Variants in IQGAP1 observed in about 807,000 individuals in gnomAD.
The protein encoded by IQGAP1 is IQ motif containing GTPase activating protein 1.
In IQGAP1, 66 loss-of-function variants were observed where a neutral mutation model predicts 215.6. The ratio of observed to expected loss-of-function variants is 0.31; its 90% CI spans 0.25 to 0.38. The LOEUF (loss-of-function observed/expected upper bound fraction) is 0.38. Among genes scored for constraint, IQGAP1 ranks in the 10% least tolerant of loss-of-function variants. The pLI is 1.00. For missense variants in IQGAP1, 1,712 were observed against 1,997.1 expected, an observed-to-expected ratio of 0.86 and a Z score of 2.72; for synonymous variants, 772 against 728.7, an observed-to-expected ratio of 1.06 and a Z score of -0.96.
At chr15:90,474,786 T>C in intron 23 of IQGAP1, 93 bp downstream of exon 23, 1 of 959,694 alleles carries the variant, frequency 1.0e-6, no homozygotes, top group Non-Finnish European at 1.7e-6. Flanking sequence ...GGGTGGAGGC[T>C]GACTTTCTCC....
intron 2 of IQGAP1, among the ~76,000 whole-genome samples, chr15:90,415,539 T>A (rs1965032806): frequency 1.3e-5 from 2 of 152,216 alleles, no homozygotes; most frequent in African/African-American, 4.8e-5. Flanking sequence ...AAAAATTCTC[T>A]AATCCATTTG....
chr15:90,406,172 A>G (rs1392191574), intron 2 of IQGAP1, among the ~76,000 whole-genome samples: 3 of 152,220 alleles, frequency 2.0e-5, no homozygotes, highest in Non-Finnish European at 4.4e-5. Flanking sequence ...GAAAAATTCC[A>G]GAGCACATTG....
chr15:90,417,950 T>C (rs1173559922), intron 2 of IQGAP1, among the ~76,000 whole-genome samples: 5 of 152,226 alleles, frequency 3.3e-5, no homozygotes, highest in Non-Finnish European at 5.9e-5. Flanking sequence ...GTTGGATTCC[T>C]AAGTATTTTT....
rs1966203011 is a variant in IQGAP1 at position 90,491,425 on chromosome 15, C to A, written c.4341C>A (p.Asp1447Glu). 1 of 1,613,912 alleles carries A rather than the reference C, an allele frequency of 6.2e-7. No individual in the cohort carries two copies. Among genetic ancestry groups the A allele is most frequent in the African/African-American group, 1.3e-5 (1 of 74,882 alleles). ...AAAAGTCAAAATCTGTAAAGGAAGA[C>A]AGCAACCTCACTCTTCAAGAGAAGA... Reference protein sequence around the residue: ...KMKKSKSVKEDSNLTLQEKKE... With the variant: ...KMKKSKSVKEESNLTLQEKKE... Residue 1447 changes from aspartate (D) to glutamate (E), a missense_variant, in exon 34 of 38, where the codon GAC becomes GAA. Physicochemically the swap from Asp to Glu is conservative, Grantham distance 45 (BLOSUM62 2). Around this residue, in one of 2 missense-constraint regions of IQGAP1, gnomAD observed 691 missense variants for 923.0 expected, o/e 0.75. Transcript: ENST00000268182.
chr15:90,474,653 T>C lies in IQGAP1; in HGVS notation c.2744T>C (p.Ile915Thr). The C allele has an allele frequency of 6.2e-7, 1 of 1,614,080 alleles. No individual in the cohort carries two copies. The highest frequency in any genetic ancestry group is 8.5e-7 in the Non-Finnish European group (1 of 1,179,962). Reference protein sequence around the residue: ...QLENDLNLMDIKIGLLVKNKI... With the variant: ...QLENDLNLMDTKIGLLVKNKI... Reference sequence around the variant, plus strand: ...GAGAATGACCTCAATCTCATGGATATCAAAATTGGACTGCTAGTGAAAAAT... The same window carrying C: ...GAGAATGACCTCAATCTCATGGATACCAAAATTGGACTGCTAGTGAAAAAT... The change falls in exon 23 of 38, where the codon ATC becomes ACC. Residue 915 changes from isoleucine (I) to threonine (T), a missense_variant. Ile to Thr is a moderately conservative substitution (Grantham distance 89). Transcript: ENST00000268182.
At chr15:90,491,948 ATAT>A (rs761563610) in intron 34 of IQGAP1, among the ~76,000 whole-genome samples, 5 of 152,190 alleles carry the variant, frequency 3.3e-5, no homozygotes, top group Non-Finnish European at 7.3e-5. Context: ...CACTAAGATA[ATAT>A]TATGCACACC....
At chr15:90,454,394 C>T (rs997330787) in intron 13 of IQGAP1, 34 bp from the exon 14 acceptor site, 1 of 1,612,218 alleles carries the variant, frequency 6.2e-7, no homozygotes, top group African/African-American at 1.3e-5. Flanking sequence ...ACATGCTGTG[C>T]TTAATGCTCT....
intron 2 of IQGAP1, among the ~76,000 whole-genome samples, chr15:90,408,191 A>G (rs879543067): frequency 5.9e-5 from 9 of 152,148 alleles, no homozygotes; most frequent in Non-Finnish European, 1.2e-4. Flanking sequence ...AGTGCTTTTT[A>G]CAAAGTAGGT....
intron 15 of IQGAP1, among the ~76,000 whole-genome samples, chr15:90,457,127 T>A (rs1162985496): frequency 1.3e-5 from 2 of 151,822 alleles, no homozygotes; most frequent in African/African-American, 4.8e-5. Flanking sequence ...CTTCCTCATA[T>A]CCCCTTCCAC....
At chr15:90,454,587 A>G in intron 14 of IQGAP1, 35 bp downstream of exon 14, 1 of 1,503,172 alleles carries the variant, frequency 6.7e-7, no homozygotes, top group South Asian at 1.4e-5. Flanking sequence ...AAATAATGTC[A>G]CCATTAATGA....
At position 90,454,439 on chromosome 15, in the gene IQGAP1, A is replaced by C; in HGVS notation, c.1499A>C (p.Glu500Ala). ...EEENCQRYLD[E>A]LMKLKAQAHA... is the part of the protein sequence containing the mutation. ...GGGGTCTGGGGCAGGTATCTCGATGAGTTGATGAAACTGAAGGCTCAGGCA... is the reference window on the plus strand; with the variant it reads ...GGGGTCTGGGGCAGGTATCTCGATGCGTTGATGAAACTGAAGGCTCAGGCA... The change falls in exon 14 of 38, where the codon GAG becomes GCG. Residue 500 changes from glutamate to alanine, a missense_variant. By Grantham distance (107) the Glu-to-Ala change is moderately radical (BLOSUM62 -1). Transcript: ENST00000268182. The C allele has an allele frequency of 6.2e-7, 1 of 1,613,692 alleles. No homozygotes were observed. Among genetic ancestry groups the C allele is most frequent in the Non-Finnish European group, 8.5e-7 (1 of 1,179,784 alleles).
chr15:90,498,567 G>T (rs1195833139), intron 37 of IQGAP1, among the ~76,000 whole-genome samples: 2 of 152,126 alleles, frequency 1.3e-5, no homozygotes, highest in African/African-American at 4.8e-5. Context: ...CAGGTGTGGG[G>T]TATTCTGTTA....
intron 15 of IQGAP1, among the ~76,000 whole-genome samples, chr15:90,464,851 CAA>C (rs397763798): frequency 2.3e-5 from 3 of 128,120 alleles, no homozygotes; most frequent in Non-Finnish European, 1.7e-5. Flanking sequence ...GACTCTGTCT[CAA>C]AAAAAAAAAA....
Position 90,456,272 on chromosome 15 carries a change from A to G in IQGAP1, c.1733A>G (p.His578Arg). ...GGAGTCCTTGCAGAAGTGGCCCAGC[A>G]TTACCAAGACACGCTGATTAGAGCG... ...LEGVLAEVAQ[H>R]YQDTLIRAKR... Residue 578 changes from histidine (H) to arginine (R), a missense_variant, in exon 15 of 38, where the codon CAT becomes CGT. This residue lies in a region of IQGAP1 where 1,021 missense variants were observed against 1,074.2 expected (regional missense o/e 0.95). Coordinates refer to ENST00000268182, the MANE Select transcript of IQGAP1 (RefSeq NM_003870.4). 3 of 1,614,092 alleles carry G rather than the reference A, an allele frequency of 1.9e-6. No individual in the cohort carries two copies. The highest frequency in any genetic ancestry group is 2.5e-6 in the Non-Finnish European group (3 of 1,179,982).
chr15:90,419,140 G>GAA (rs200209041), intron 2 of IQGAP1, among the ~76,000 whole-genome samples: 6 of 112,170 alleles, frequency 5.3e-5, no homozygotes, highest in African/African-American at 1.7e-4. Flanking sequence ...TCTCAAAAAA[G>GAA]AAAAAAAAAA....
At chr15:90,440,684 G>A (rs972827992) in intron 7 of IQGAP1, 69 bp downstream of exon 7, 15 of 969,414 alleles carry the variant, frequency 1.5e-5, no homozygotes, top group Non-Finnish European at 2.4e-5. Flanking sequence ...TAATTCTATA[G>A]TGATGATCTA....
chr15:90,474,728 T>G lies in IQGAP1; in HGVS notation c.2784+35T>G, dbSNP rs1304211325. 3 of 1,489,180 alleles carry G rather than the reference T, an allele frequency of 2.0e-6. No individual in the cohort carries two copies. In the African/African-American group the frequency reaches 4.2e-5, roughly 21 times the overall value. 92.2% of individuals were successfully genotyped at this position (1,489,180 alleles called of 1,614,324 possible). A position where few individuals can be genotyped will look rare whatever the true frequency, so the allele number is the denominator to read the frequency against. ...AGTGCCAGCGGGGGCCTTGGAACGGTTCATCCTGCTTTGTAACCCCTGCAT... is the reference window on the plus strand; with the variant it reads ...AGTGCCAGCGGGGGCCTTGGAACGGGTCATCCTGCTTTGTAACCCCTGCAT... On this transcript the variant is annotated intron_variant, in intron 23 of 37. Coordinates refer to ENST00000268182, the MANE Select transcript of IQGAP1 (RefSeq NM_003870.4).
rs773680341 is a variant in IQGAP1 at position 90,477,653 on chromosome 15, G to T, written c.3105-12G>T. ...TTGTGACAAGTTTAAATTTTTATCT[G>T]ATGTTTTATAGGTCGAAGGTAGATC... On this transcript the variant is annotated splice_polypyrimidine_tract_variant and intron_variant, in intron 25 of 37. Transcript: ENST00000268182. 5.7e-6 allele frequency: 9 copies of T among 1,576,042 alleles called. No homozygotes were observed. The East Asian group carries it at 2.0e-4, about 35-fold the overall frequency.
chr15:90,433,804 A>G lies in IQGAP1; in HGVS notation c.467+9A>G. On this transcript the variant is annotated intron_variant, in intron 5 of 37. Transcript: ENST00000268182. ...TGTATCCATGCACTCAGGTAGTCAAATTTTCTTGGCAAAATAAGGAAATTA... is the reference window on the plus strand; with the variant it reads ...TGTATCCATGCACTCAGGTAGTCAAGTTTTCTTGGCAAAATAAGGAAATTA... The G allele has an allele frequency of 6.5e-7, 1 of 1,542,704 alleles. No individual in the cohort carries two copies. Among genetic ancestry groups the G allele is most frequent in the Non-Finnish European group, 8.9e-7 (1 of 1,126,442 alleles).
Sources: gnomAD v4.1 joint callset for allele counts (sites outside exome capture counted in the v4.1 genomes callset) on GRCh38, gnomAD v4.1.1 for gene constraint, gnomAD v4.1.1 regional missense constraint, MANE v1.5 for transcripts, NCBI Gene and HGNC (gene_info 2026-07-23, HGNC 2026-07-21) for gene names.